The following ARFGEF2 variants were observed in gnomAD, a reference collection of about 807,000 sequenced individuals.
ARFGEF2 encodes the protein brefeldin A-inhibited guanine nucleotide-exchange protein 2.
In ARFGEF2, 74 loss-of-function variants were observed where a neutral mutation model predicts 219.9. The observed-to-expected ratio is 0.34, with a 90% CI of 0.28 to 0.41. The LOEUF (loss-of-function observed/expected upper bound fraction) is 0.41, where lower values mean the gene tolerates loss of function less well. ARFGEF2 is among the 10% of genes least tolerant of loss of function. ARFGEF2 has a pLI of 1.00. For missense variants in ARFGEF2, 1,743 were observed against 2,218.3 expected, an observed-to-expected ratio of 0.79 and a Z score of 4.30; for synonymous variants, 733 against 799.2, an observed-to-expected ratio of 0.92 and a Z score of 1.40.
chr20:48,970,379 G>A (rs570884101), intron 9 of ARFGEF2, among the ~76,000 whole-genome samples: 3 of 152,188 alleles, frequency 2.0e-5, no homozygotes, highest in Admixed American at 6.5e-5. Flanking sequence ...GGGAGGCCGA[G>A]GCGGGCGGAT....
rs370270009 is a variant in ARFGEF2, at chr20:49,010,807, C to T, written c.3757+403C>T. 1.1e-4 allele frequency among the ~76,000 whole-genome samples: 16 copies of T among 152,316 alleles called. 1 individual carries two copies. Among genetic ancestry groups the T allele is most frequent in the South Asian group, 8.3e-4 (4 of 4,826 alleles). On this transcript the variant is annotated intron_variant, in intron 27 of 38. Transcript: ENST00000371917. ...TACATTAATAACTCCACAACCAGTACTCATGGTGCTTTTGTGGTCATTTGC... is the reference window on the plus strand; with the variant it reads ...TACATTAATAACTCCACAACCAGTATTCATGGTGCTTTTGTGGTCATTTGC...
Position 48,921,897 on chromosome 20 carries a change from A to G in ARFGEF2, c.8A>G (p.Glu3Gly). The stretch of plus-strand genomic sequence containing the variant: ...CCCCGCCGGGCCGGGGCCATGCAGG[A>G]GAGCCAGACCAAGAGCATGTTCGTG... MQESQTKSMFVSR... is the reference protein window; with the variant it reads MQGSQTKSMFVSR... The change falls in exon 1 of 39, where the codon GAG becomes GGG. Residue 3 changes from glutamate (E) to glycine (G), a missense_variant. Physicochemically the swap from Glu to Gly is moderately conservative, Grantham distance 98. Transcript: ENST00000371917. 1.9e-6 allele frequency: 3 copies of G among 1,549,394 alleles called. No homozygotes were observed. Among genetic ancestry groups the G allele is most frequent in the Non-Finnish European group, 2.6e-6 (3 of 1,145,744 alleles).
chr20:48,941,206 T>G lies in ARFGEF2; in HGVS notation c.129T>G (p.Ile43Met). 1 of 1,613,400 alleles carries G rather than the reference T, an allele frequency of 6.2e-7. No homozygotes were observed. The highest frequency in any genetic ancestry group is 1.1e-5 in the South Asian group (1 of 90,922). Residue 43 changes from isoleucine to methionine, a missense_variant, in exon 2 of 39, where the codon ATT becomes ATG. Ile to Met is a conservative substitution (Grantham distance 10, BLOSUM62 1). Coordinates refer to ENST00000371917, the MANE Select transcript of ARFGEF2 (RefSeq NM_006420.3). Reference protein sequence around the residue: ...RRACQVALDEIKAEIEKQRLG... With the variant: ...RRACQVALDEMKAEIEKQRLG... ...TTCTTCCTTCCTTACCAGATGAAAT[T>G]AAAGCAGAAATAGAAAAGCAGAGGT... is the stretch of plus-strand genomic sequence containing the variant.
rs529179895 is a variant in ARFGEF2 at position 49,022,763 on chromosome 20, A to G, written c.4625-288A>G. 1.8e-4 allele frequency among the ~76,000 whole-genome samples: 28 copies of G among 152,232 alleles called. No homozygotes were observed. In the South Asian group the frequency reaches 5.8e-3, roughly 32 times the overall value. On this transcript the variant is annotated intron_variant, in intron 34 of 38. Transcript: ENST00000371917. ...AATATTTCATTTATTGTCTGTCAAC[A>G]CCATGGGAGCAGAGATTTTTTTTTG...
rs981380034 is a variant in ARFGEF2, at chr20:49,033,118, C to T, written c.5277C>T (p.Phe1759=). ...TCCGAGCAGTTCTGCGGAAGTTCTT[C>T]CTACGGATAGGTGTTGTGTATAAGA... ...PELRAVLRKF[F]LRIGVVYKIW... The change falls in exon 39 of 39, where the codon TTC becomes TTT. Residue 1759 remains phenylalanine, a synonymous_variant. Transcript: ENST00000371917. The T allele has an allele frequency of 7.4e-6, 12 of 1,614,108 alleles. No homozygotes were observed. In the African/African-American group the frequency reaches 1.3e-4, roughly 18 times the overall value.
chr20:49,017,692 T>TACTA, intron 33 of ARFGEF2, 142 bp downstream of exon 33: 3 of 823,150 alleles, frequency 3.6e-6, no homozygotes, highest in Non-Finnish European at 3.7e-6. Flanking sequence ...TCATAATATA[T>TACTA]TTTTTAGAAA....
intron 26 of ARFGEF2, among the ~76,000 whole-genome samples, chr20:49,009,777 A>G (rs2091484880): frequency 6.6e-6 from 1 of 152,234 alleles, no homozygotes; most frequent in South Asian, 2.1e-4. Context: ...AAGAAGATAC[A>G]CACAAGAATT....
rs587780280 is a variant in ARFGEF2, at chr20:49,013,917, T to C, written c.4136T>C (p.Phe1379Ser). ...HWWQDLFRIV[F>S]RIFDNMKLPE... ...TGGCAGGACCTGTTCAGAATCGTGT[T>C]TCGGATTTTTGACAATATGAAACTC... Residue 1379 changes from phenylalanine (F) to serine (S), a missense_variant, in exon 30 of 39, where the codon TTT becomes TCT. Transcript: ENST00000371917. The C allele has an allele frequency of 1.2e-6, 2 of 1,614,056 alleles. No homozygotes were observed. Among genetic ancestry groups the C allele is most frequent in the Admixed American group, 1.7e-5 (1 of 60,010 alleles).
chr20:48,922,043 GGCCTCA>G, intron 1 of ARFGEF2, 33 bp downstream of exon 1: 7 of 1,563,824 alleles, frequency 4.5e-6, no homozygotes, highest in Non-Finnish European at 6.1e-6. Context: ...GCCCCGCGCT[GGCCTCA>G]GCACGTCGGC....
chr20:49,013,307 C>G (rs979112463), intron 28 of ARFGEF2, among the ~76,000 whole-genome samples: 1 of 151,452 alleles, frequency 6.6e-6, no homozygotes, highest in Non-Finnish European at 1.5e-5. Flanking sequence ...ACACCTCCCA[C>G]CCCCAGGACT....
At chr20:48,959,109 A>T (rs1466133789) in intron 6 of ARFGEF2, among the ~76,000 whole-genome samples, 2 of 152,176 alleles carry the variant, frequency 1.3e-5, no homozygotes, top group Non-Finnish European at 2.9e-5. Context: ...AGGCTAAGCA[A>T]TACATATGTA....
At chr20:48,936,117 C>A (rs1336962558) in intron 1 of ARFGEF2, among the ~76,000 whole-genome samples, 1 of 118,346 alleles carries the variant, frequency 8.4e-6, no homozygotes, top group Non-Finnish European at 1.8e-5. Context: ...GCTGGCCGGG[C>A]GGGGGGCTGA....
chr20:49,022,916 A>C (rs1390518228), intron 34 of ARFGEF2, 135 bp from the exon 35 acceptor site: 1 of 1,207,694 alleles, frequency 8.3e-7, no homozygotes, highest in East Asian at 2.6e-5. Flanking sequence ...GGAGTTCAGG[A>C]CCAGCCTGGA....
intron 1 of ARFGEF2, among the ~76,000 whole-genome samples, chr20:48,927,349 A>G (rs1184663148): frequency 6.6e-6 from 1 of 152,126 alleles, no homozygotes; most frequent in Non-Finnish European, 1.5e-5. Flanking sequence ...CATTCTCATC[A>G]TGAGGATTAC....
chr20:48,952,624 C>T, intron 4 of ARFGEF2, 81 bp from the exon 5 acceptor site: 1 of 1,378,492 alleles, frequency 7.3e-7, no homozygotes. Context: ...CAAAACCAGA[C>T]CCTCTAGAAA....
In ARFGEF2 at chr20:48,969,399, C is replaced by T. The variant is rs1277956496; in HGVS notation, c.1190+122C>T. The T allele has an allele frequency of 1.9e-6, 3 of 1,576,670 alleles. No homozygotes were observed. In the African/African-American group the frequency reaches 4.0e-5, roughly 21 times the overall value. ...TCATGTCTCTTTGTCAGTGTAAGTG[C>T]AGGAACGGTTTTACAACTTTTCAGA... On this transcript the variant is annotated intron_variant, in intron 9 of 38. Transcript: ENST00000371917.
chr20:48,960,217 A>G (rs1180999264), intron 6 of ARFGEF2, among the ~76,000 whole-genome samples: 2 of 152,246 alleles, frequency 1.3e-5, no homozygotes, highest in African/African-American at 4.8e-5. Context: ...ATAAACCTGT[A>G]CACCATGTTA....
intron 27 of ARFGEF2, among the ~76,000 whole-genome samples, chr20:49,011,150 A>T (rs1032510436): frequency 3.3e-5 from 5 of 152,174 alleles, no homozygotes; most frequent in African/African-American, 1.2e-4. Flanking sequence ...ACAGTGCTAT[A>T]TTGGCTGTGA....
chr20:48,922,380 G>C (rs577371200), intron 1 of ARFGEF2, among the ~76,000 whole-genome samples: 6 of 152,318 alleles, frequency 3.9e-5, no homozygotes, highest in African/African-American at 9.6e-5. Context: ...GTTCCCCTAG[G>C]TGAACAGAGC....
Sources: allele counts gnomAD v4.1 joint callset (sites outside exome capture counted in the v4.1 genomes callset), GRCh38; gene constraint gnomAD v4.1.1; transcripts MANE v1.5; gene names NCBI Gene and HGNC (gene_info 2026-07-23, HGNC 2026-07-21).